NDRG3: variants seen among roughly 807,000 people sequenced by gnomAD.
NDRG3 encodes NDRG family member 3.
Under a neutral mutation model 57.2 loss-of-function variants are expected in NDRG3, and 23 were observed. That is an observed-to-expected ratio of 0.40 (90% confidence interval 0.29 to 0.57). NDRG3 has a LOEUF of 0.57. Ranked by LOEUF, NDRG3 falls within the 20% of genes least tolerant of loss-of-function variation. NDRG3 has a pLI of 0.42. For synonymous variants in NDRG3, 132 were observed against 162.6 expected (o/e 0.81, Z 1.43); for missense variants, 384 against 457.3 (o/e 0.84, Z 1.46).
intron 1 of NDRG3, among the ~76,000 whole-genome samples, chr20:36,728,217 C>A (rs1167631150): frequency 3.3e-5 from 5 of 151,968 alleles, no homozygotes; most frequent in African/African-American, 7.3e-5. Flanking sequence ...CAACGCCCGG[C>A]TAATTTTTTT....
chr20:36,735,200 AG>A (rs1451786549), intron 1 of NDRG3, among the ~76,000 whole-genome samples: 2 of 152,214 alleles, frequency 1.3e-5, no homozygotes, highest in Non-Finnish European at 2.9e-5. Context: ...AAGTCACCCC[AG>A]TGGCACATGT....
intron 3 of NDRG3, among the ~76,000 whole-genome samples, chr20:36,693,244 A>T (rs562684628): frequency 6.9e-6 from 1 of 145,790 alleles, no homozygotes; most frequent in South Asian, 2.2e-4. Flanking sequence ...ATGTGTGTAT[A>T]TATATATTCT....
At chr20:36,685,963 T>G (rs1981752458) in intron 5 of NDRG3, among the ~76,000 whole-genome samples, 1 of 152,112 alleles carries the variant, frequency 6.6e-6, no homozygotes, top group African/African-American at 2.4e-5. Flanking sequence ...TAAGCCATGA[T>G]CACGCCACTG....
At chr20:36,711,033 C>T (rs1029206572) in intron 2 of NDRG3, among the ~76,000 whole-genome samples, 2 of 150,826 alleles carry the variant, frequency 1.3e-5, no homozygotes, top group African/African-American at 4.9e-5. Flanking sequence ...ATAATCCCAG[C>T]ACTTTGGGAG....
chr20:36,729,043 G>A (rs1039113567), intron 1 of NDRG3, among the ~76,000 whole-genome samples: 2 of 152,122 alleles, frequency 1.3e-5, no homozygotes, highest in Non-Finnish European at 2.9e-5. Context: ...TTTTGGATAA[G>A]GGATACTCAA....
chr20:36,698,868 T>C (rs180915713), intron 3 of NDRG3, among the ~76,000 whole-genome samples: 1 of 152,242 alleles, frequency 6.6e-6, no homozygotes, highest in African/African-American at 2.4e-5. Context: ...ATTAAAAATA[T>C]ACCACTTATG....
chr20:36,678,418 C>T (rs1463263268), intron 8 of NDRG3, among the ~76,000 whole-genome samples: 1 of 152,204 alleles, frequency 6.6e-6, no homozygotes, highest in Non-Finnish European at 1.5e-5. Context: ...TGCGGTAGCT[C>T]ACACCTGTAA....
intron 1 of NDRG3, among the ~76,000 whole-genome samples, chr20:36,727,492 T>C (rs1448857794): frequency 6.6e-6 from 1 of 152,134 alleles, no homozygotes; most frequent in Non-Finnish European, 1.5e-5. Context: ...AGTGGTGGGA[T>C]TACCAGCATG....
At chr20:36,696,104 G>GT (rs962314779) in intron 3 of NDRG3, among the ~76,000 whole-genome samples, 49 of 151,194 alleles carry the variant, frequency 3.2e-4, no homozygotes, top group East Asian at 1.8e-3. Flanking sequence ...CTTCAACTTT[G>GT]TTTTTTTTTG....
At chr20:36,700,402 A>G (rs779548714) in intron 3 of NDRG3, 1 of 517,192 alleles carries the variant, frequency 1.9e-6, no homozygotes, top group East Asian at 5.5e-5. Context: ...TATGCTTAGC[A>G]GAATAAAAAA....
chr20:36,665,291 G>T lies in NDRG3; in HGVS notation c.703C>A (p.Leu235Met). The stretch of plus-strand genomic sequence containing the variant: ...CCCAGTATGGGTCTTTCGATCTCCA[G>T]GTCTCTGCGTCTAGAAAAACAAAGC... ...FLNSYNGRRD[L>M]EIERPILGQN... The change falls in exon 11 of 16, where the codon CTG becomes ATG. Residue 235 changes from leucine (L) to methionine (M), a missense_variant. Physicochemically the swap from Leu to Met is conservative, Grantham distance 15 (BLOSUM62 2). Transcript: ENST00000349004. The T allele has an allele frequency of 6.2e-7, 1 of 1,614,116 alleles. No homozygotes were observed. Among genetic ancestry groups the T allele is most frequent in the Non-Finnish European group, 8.5e-7 (1 of 1,179,988 alleles).
chr20:36,654,773 G>T (rs768585284), intron 15 of NDRG3: 1 of 779,462 alleles, frequency 1.3e-6, no homozygotes, highest in East Asian at 2.4e-5. Context: ...ACTGGAAGGC[G>T]GGGCAGGGCC....
chr20:36,716,750 A>G (rs953738861), intron 2 of NDRG3, among the ~76,000 whole-genome samples: 1 of 152,122 alleles, frequency 6.6e-6, no homozygotes, highest in Non-Finnish European at 1.5e-5. Flanking sequence ...AGAGGAAGGC[A>G]GGGAAAATGA....
chr20:36,664,796 C>G (rs576731240), intron 12 of NDRG3, among the ~76,000 whole-genome samples: 3 of 152,136 alleles, frequency 2.0e-5, no homozygotes, highest in African/African-American at 4.8e-5. Context: ...CTCAAGCAAT[C>G]CTCCTACCTC....
At chr20:36,677,701 A>C (rs1318617635) in intron 8 of NDRG3, among the ~76,000 whole-genome samples, 1 of 152,216 alleles carries the variant, frequency 6.6e-6, no homozygotes, top group African/African-American at 2.4e-5. Flanking sequence ...CTGTCGGCAA[A>C]GAGCTGAACA....
At chr20:36,697,858 A>G (rs1982925442) in intron 3 of NDRG3, among the ~76,000 whole-genome samples, 1 of 152,204 alleles carries the variant, frequency 6.6e-6, no homozygotes, top group Non-Finnish European at 1.5e-5. Context: ...AGTAAATGAT[A>G]AAATAGACTA....
chr20:36,716,299 G>A (rs1386054515), intron 2 of NDRG3, among the ~76,000 whole-genome samples: 6 of 152,158 alleles, frequency 3.9e-5, no homozygotes, highest in Non-Finnish European at 7.4e-5. Context: ...TTGGGAGGCC[G>A]AGGCGGACGG....
chr20:36,733,621 G>T (rs1042108396), intron 1 of NDRG3, among the ~76,000 whole-genome samples: 1 of 151,760 alleles, frequency 6.6e-6, no homozygotes, highest in Non-Finnish European at 1.5e-5. Context: ...TACTCGGCAG[G>T]CTGAGGCAGA....
chr20:36,718,432 G>A (rs1027216054), intron 2 of NDRG3, among the ~76,000 whole-genome samples: 17 of 152,238 alleles, frequency 1.1e-4, no homozygotes, highest in Admixed American at 1.1e-3. Context: ...GGAGCAGATA[G>A]ATGTTAGGAA....
Sources: allele counts gnomAD v4.1 joint callset (sites outside exome capture counted in the v4.1 genomes callset), GRCh38; gene constraint gnomAD v4.1.1; transcripts MANE v1.5; gene names NCBI Gene and HGNC (gene_info 2026-07-23, HGNC 2026-07-21).